KHDRBS2: variants seen among roughly 807,000 people sequenced by gnomAD.
The protein encoded by KHDRBS2 is KH domain-containing, RNA-binding, signal transduction-associated protein 2.
KHDRBS2 carries 26 observed loss-of-function variants against 44.3 expected under a neutral mutation model. The ratio of observed to expected loss-of-function variants is 0.59; its 90% CI spans 0.43 to 0.81. The LOEUF is 0.81. KHDRBS2 is among the 40% of genes least tolerant of loss of function. KHDRBS2 has a pLI of 0.00. For missense variants in KHDRBS2, 476 were observed against 433.1 expected (o/e 1.10, Z -0.88); for synonymous variants, 194 against 151.1 (o/e 1.28, Z -2.08).
chr6:62,071,703 T>TCTGTTTTGGTACCAGTACCATG (rs1795142132), intron 2 of KHDRBS2, among the ~76,000 whole-genome samples: 1 of 152,202 alleles, frequency 6.6e-6, no homozygotes. Context: ...GGTCTATATC[T>TCTGTTTTGGTACCAGTACCATG]CTGTTTTGGT....
chr6:62,109,839 T>C (rs1352603123), intron 2 of KHDRBS2, among the ~76,000 whole-genome samples: 2 of 151,802 alleles, frequency 1.3e-5, no homozygotes, highest in East Asian at 3.9e-4. Flanking sequence ...AAAATAAAAA[T>C]AATTTCAATT....
At chr6:62,067,650 G>A (rs1408070489) in intron 2 of KHDRBS2, among the ~76,000 whole-genome samples, 3 of 151,370 alleles carry the variant, frequency 2.0e-5, no homozygotes, top group African/African-American at 4.8e-5. Flanking sequence ...TATGTTCACA[G>A]GGTTATACAA....
chr6:61,929,793 A>G (rs1042520909), intron 4 of KHDRBS2, among the ~76,000 whole-genome samples: 26 of 152,326 alleles, frequency 1.7e-4, no homozygotes, highest in African/African-American at 5.8e-4. Context: ...CATTTCCTAC[A>G]GATATATATT....
At chr6:61,878,522 C>A (rs1799763834) in intron 6 of KHDRBS2, among the ~76,000 whole-genome samples, 1 of 152,008 alleles carries the variant, frequency 6.6e-6, no homozygotes, top group African/African-American at 2.4e-5. Flanking sequence ...AGCAGAGCAG[C>A]ATGAACTAGA....
At chr6:62,171,180 G>C (rs1369595057) in intron 2 of KHDRBS2, among the ~76,000 whole-genome samples, 1 of 152,052 alleles carries the variant, frequency 6.6e-6, no homozygotes, top group Non-Finnish European at 1.5e-5. Context: ...GAAGATCATA[G>C]AGATTCAGGA....
intron 1 of KHDRBS2, among the ~76,000 whole-genome samples, chr6:62,283,800 T>C (rs868620945): frequency 3.4e-4 from 52 of 152,206 alleles, no homozygotes; most frequent in African/African-American, 1.2e-3. Context: ...AATTAGCACA[T>C]GTAAAGAGCC....
At chr6:62,208,029 C>T (rs1311462402) in intron 1 of KHDRBS2, among the ~76,000 whole-genome samples, 6 of 152,250 alleles carry the variant, frequency 3.9e-5, no homozygotes, top group Middle Eastern at 3.4e-3. Context: ...CTTTGACCCA[C>T]ATCTCCTCAT....
At chr6:61,950,309 C>T (rs1474046736) in intron 4 of KHDRBS2, among the ~76,000 whole-genome samples, 1 of 151,936 alleles carries the variant, frequency 6.6e-6, no homozygotes, top group Non-Finnish European at 1.5e-5. Context: ...TGTAAATGAT[C>T]GTATAGTAAT....
At chr6:62,156,666 T>C (rs1352159321) in intron 2 of KHDRBS2, among the ~76,000 whole-genome samples, 1 of 152,142 alleles carries the variant, frequency 6.6e-6, no homozygotes, top group Non-Finnish European at 1.5e-5. Flanking sequence ...TTTTTGTTTT[T>C]TGAGACGGAG....
At chr6:61,974,886 G>T (rs569728599) in intron 4 of KHDRBS2, among the ~76,000 whole-genome samples, 2 of 151,638 alleles carry the variant, frequency 1.3e-5, no homozygotes, top group African/African-American at 4.8e-5. Context: ...AGCCGAGATC[G>T]TTCCATTGCA....
intron 6 of KHDRBS2, among the ~76,000 whole-genome samples, chr6:61,768,312 T>G (rs1938395): frequency 0.18 from 27,819 of 152,060 alleles, 2,667 homozygotes; most frequent in Non-Finnish European, 0.2. Context: ...GGGAGTTTGA[T>G]TTTTAAGTGT....
chr6:62,150,996 C>T (rs1172643634), intron 2 of KHDRBS2, among the ~76,000 whole-genome samples: 1 of 151,990 alleles, frequency 6.6e-6, no homozygotes, highest in Non-Finnish European at 1.5e-5. Context: ...TAAGATTTCC[C>T]CCCTTCTCAC....
the KHDRBS2 span, among the ~76,000 whole-genome samples, chr6:61,624,378 A>C: frequency 6.6e-6 from 1 of 152,172 alleles, no homozygotes; most frequent in Non-Finnish European, 1.5e-5. Context: ...CCAAGTGGAC[A>C]CTTGTTGACA....
chr6:61,543,865 T>G, the KHDRBS2 span, among the ~76,000 whole-genome samples: 1 of 152,066 alleles, frequency 6.6e-6, no homozygotes, highest in East Asian at 1.9e-4. Flanking sequence ...ACACAAACTT[T>G]GCATGTTCTC....
chr6:61,743,891 G>T (rs1265839703), intron 6 of KHDRBS2, among the ~76,000 whole-genome samples: 3 of 141,762 alleles, frequency 2.1e-5, no homozygotes, highest in Non-Finnish European at 4.5e-5. Context: ...TTGGTTTTTT[G>T]TCCTTGCGAT....
intron 2 of KHDRBS2, among the ~76,000 whole-genome samples, chr6:62,068,022 G>C (rs1584487295): frequency 6.6e-6 from 1 of 151,590 alleles, no homozygotes. Flanking sequence ...ACAGCTTTTT[G>C]TGTGAGTTGA....
chr6:62,157,251 A>AG (rs1235530482), intron 2 of KHDRBS2, among the ~76,000 whole-genome samples: 1 of 151,402 alleles, frequency 6.6e-6, no homozygotes, highest in African/African-American at 2.4e-5. Context: ...TGAACCCAGG[A>AG]GGGGGAGGTT....
intron 2 of KHDRBS2, among the ~76,000 whole-genome samples, chr6:62,150,896 T>C (rs1286590232): frequency 6.6e-6 from 1 of 152,214 alleles, no homozygotes; most frequent in Non-Finnish European, 1.5e-5. Context: ...TGTTCTTACA[T>C]CCATTTAAGA....
chr6:62,279,565 AG>A (rs760085415), intron 1 of KHDRBS2, among the ~76,000 whole-genome samples: 35 of 152,230 alleles, frequency 2.3e-4, no homozygotes, highest in Admixed American at 9.8e-4. Context: ...AAGATCAAAA[AG>A]AATTGCATGT....
Sources: gnomAD v4.1 joint callset for allele counts (sites outside exome capture counted in the v4.1 genomes callset) on GRCh38, gnomAD v4.1.1 for gene constraint, MANE v1.5 for transcripts, NCBI Gene and HGNC (gene_info 2026-07-23, HGNC 2026-07-21) for gene names.